Variants in CFAP46 observed in about 807,000 individuals in gnomAD.
The protein encoded by CFAP46 is cilia and flagella associated protein 46, also known as cilia- and flagella-associated protein 46.
Under a neutral mutation model 325.7 loss-of-function variants are expected in CFAP46, and 245 were observed. The ratio of observed to expected loss-of-function variants is 0.75; its 90% CI spans 0.68 to 0.84. The LOEUF (loss-of-function observed/expected upper bound fraction) is 0.84. CFAP46 is among the 40% of genes least tolerant of loss of function. The pLI is 0.00. For missense variants in CFAP46, 3,346 were observed against 3,543.0 expected, an observed-to-expected ratio of 0.94 and a Z score of 1.41; for synonymous variants, 1,523 against 1,495.9, an observed-to-expected ratio of 1.02 and a Z score of -0.42.
chr10:132,837,937 G>GGACACAGACACGCACGTGTACACA (rs67569216), intron 44 of CFAP46, among the ~76,000 whole-genome samples: 1,736 of 149,132 alleles, frequency 0.012, 17 homozygotes, highest in Non-Finnish European at 0.018. Context: ...AGACATGCAC[G>GGACACAGACACGCACGTGTACACA]GACACAGACA....
At chr10:132,903,544 C>T (rs763030354) in intron 22 of CFAP46, among the ~76,000 whole-genome samples, 20 of 152,346 alleles carry the variant, frequency 1.3e-4, no homozygotes, top group Middle Eastern at 3.4e-3. Context: ...AGGCAGAATG[C>T]GGAGCCCACT....
At chr10:132,887,207 TTCCTCTCCCCTCTTCTCTCTC>T (rs1352215156) in intron 25 of CFAP46, among the ~76,000 whole-genome samples, 3 of 34,974 alleles carry the variant, frequency 8.6e-5, no homozygotes, top group Non-Finnish European at 9.5e-5. Flanking sequence ...CTCCTCTTCT[TTCCTCTCCCCTCTTCTCTCTC>T]TCCTCTCCCC....
Position 132,822,145 on chromosome 10 carries a change from CTGA to C in CFAP46, c.7118-7234_7118-7232del, listed in dbSNP as rs61728262. Among the ~76,000 whole-genome samples the C allele has an allele frequency of 2.2e-3, 231 of 107,254 alleles. 1 individual carries two copies. In the South Asian group the frequency reaches 0.022, roughly 10 times the overall value. The allele number at this position is 107,254 out of a possible 152,430, so 70.4% of individuals were successfully genotyped here. ...TGCACTTGTGTGTGCTGTGTGTGTG[CTGA>C]TGTGTGCTGTGTGCTGTGTGTGCTG... On this transcript the variant is annotated intron_variant, in intron 50 of 57. Coordinates refer to ENST00000368586, the MANE Select transcript of CFAP46 (RefSeq NM_001200049.3).
intron 22 of CFAP46, among the ~76,000 whole-genome samples, chr10:132,900,168 C>T (rs774671492): frequency 3.9e-5 from 6 of 152,214 alleles, no homozygotes; most frequent in Non-Finnish European, 7.3e-5. Context: ...GGGACTTGTG[C>T]AGCAACAGAT....
chr10:132,924,470 G>A (rs1052633740), intron 11 of CFAP46, among the ~76,000 whole-genome samples: 4 of 152,202 alleles, frequency 2.6e-5, no homozygotes, highest in Non-Finnish European at 5.9e-5. Context: ...AGATGCCCGT[G>A]AGGCAAGGCC....
At chr10:132,929,190 C>G in intron 9 of CFAP46, 1 of 348,244 alleles carries the variant, frequency 2.9e-6, no homozygotes, top group East Asian at 4.5e-5. Flanking sequence ...CTAAATTAGG[C>G]ACAATAAGAT....
In CFAP46 at chr10:132,835,364, C is replaced by A. The variant is rs765916913; in HGVS notation, c.6684G>T (p.Gln2228His). The A allele has an allele frequency of 4.3e-6, 7 of 1,613,590 alleles. No homozygotes were observed. Among genetic ancestry groups the A allele is most frequent in the Non-Finnish European group, 5.9e-6 (7 of 1,179,962 alleles). ...AFSHLLACAQ[Q>H]FRKQTQAQVY... The stretch of plus-strand genomic sequence containing the variant: ...CCTGGGCCTGGGTCTGCTTCCGGAA[C>A]TGCTGGGCACAGGCCAGCAGGTGGG... Residue 2228 changes from glutamine (Q) to histidine (H), a missense_variant, in exon 47 of 58, where the codon CAG (glutamine) becomes CAT (histidine). Gln to His is a conservative substitution (Grantham distance 24). Transcript: ENST00000368586.
intron 54 of CFAP46, 120 bp from the exon 55 acceptor site, chr10:132,813,017 C>T (rs1362890670): frequency 1.4e-6 from 1 of 705,054 alleles, no homozygotes; most frequent in Non-Finnish European, 2.4e-6. Context: ...GTGCATTAAA[C>T]TGAACTTTCT....
Position 132,942,516 on chromosome 10 carries a change from G to C in CFAP46, c.-32C>G. On this transcript the variant is annotated 5_prime_UTR_variant, in exon 1 of 58. Coordinates refer to ENST00000368586, the MANE Select transcript of CFAP46 (RefSeq NM_001200049.3). Reference sequence around the variant, plus strand: ...GGCGCCCTGCTCGTCCGCTCTCTCCGGGGTCCGCGGTGCGTCCTGCCGCCC... The same window carrying C: ...GGCGCCCTGCTCGTCCGCTCTCTCCCGGGTCCGCGGTGCGTCCTGCCGCCC... The C allele has an allele frequency of 7.9e-7, 1 of 1,259,196 alleles. No homozygotes were observed. The highest frequency in any genetic ancestry group is 1.0e-6 in the Non-Finnish European group (1 of 1,003,122). The allele number at this position is 1,259,196 out of a possible 1,614,324, so 78.0% of individuals were successfully genotyped here.
intron 50 of CFAP46, among the ~76,000 whole-genome samples, chr10:132,830,325 G>C (rs1455477135): frequency 6.6e-6 from 1 of 152,094 alleles, no homozygotes; most frequent in Non-Finnish European, 1.5e-5. Context: ...TGTGTTTTTA[G>C]TAGAGATGGG....
At chr10:132,823,054 C>CTG (rs200870975) in intron 50 of CFAP46, among the ~76,000 whole-genome samples, 18 of 96,722 alleles carry the variant, frequency 1.9e-4, no homozygotes, top group Middle Eastern at 0.012. Flanking sequence ...GTGCTGTGTG[C>CTG]TGTGAGTGCT....
intron 22 of CFAP46, among the ~76,000 whole-genome samples, chr10:132,903,827 G>A (rs111600324): frequency 9.9e-4 from 150 of 152,238 alleles, no homozygotes; most frequent in Non-Finnish European, 1.7e-3. Context: ...TAAAAATGTT[G>A]AGCTGAGTTG....
At chr10:132,920,360 T>C (rs1017766594) in intron 13 of CFAP46, among the ~76,000 whole-genome samples, 178 bp from the exon 14 acceptor site, 14 of 152,164 alleles carry the variant, frequency 9.2e-5, no homozygotes, top group Non-Finnish European at 1.6e-4. Context: ...CAGAGTGGCA[T>C]TGCCTGTGTC....
At chr10:132,892,761 C>T (rs540804875) in intron 24 of CFAP46, among the ~76,000 whole-genome samples, 23 of 152,324 alleles carry the variant, frequency 1.5e-4, no homozygotes, top group Admixed American at 5.9e-4. Context: ...GGATTACAAC[C>T]GTCAAACTTG....
chr10:132,902,333 C>T (rs545515078), intron 22 of CFAP46, among the ~76,000 whole-genome samples: 11 of 152,308 alleles, frequency 7.2e-5, no homozygotes, highest in Non-Finnish European at 1.2e-4. Flanking sequence ...TTAGTTTCTC[C>T]GTTTTTCTCC....
Position 132,832,400 on chromosome 10 carries a change from C to A in CFAP46, c.7117+958G>T, listed in dbSNP as rs868562361. ...CTGGGCTCTTCCTGCCCCCCCCCCC[C>A]AATGCTGTGGCCTGGAAATTCCCCA... On this transcript the variant is annotated intron_variant, in intron 50 of 57. Coordinates refer to ENST00000368586, the MANE Select transcript of CFAP46 (RefSeq NM_001200049.3). The surrounding 1 kb of genome is among the most constrained non-coding windows in gnomAD (Gnocchi z 4.1). Among the ~76,000 whole-genome samples, 21 of 141,500 alleles carry A rather than the reference C, an allele frequency of 1.5e-4. No individual in the cohort carries two copies. In the South Asian group the frequency reaches 3.6e-3, roughly 24 times the overall value. The allele number at this position is 141,500 out of a possible 152,430, so 92.8% of individuals were successfully genotyped here. A position where few individuals can be genotyped will look rare whatever the true frequency, so the allele number is the denominator to read the frequency against.
At chr10:132,822,487 G>C (rs1396504623) in intron 50 of CFAP46, among the ~76,000 whole-genome samples, 3 of 135,526 alleles carry the variant, frequency 2.2e-5, no homozygotes, top group Admixed American at 7.4e-5. Flanking sequence ...TGTGTGTGCT[G>C]TGTGTGCTGA....
At position 132,834,657 on chromosome 10, in the gene CFAP46, G is replaced by A; in HGVS notation, c.6863C>T (p.Ala2288Val). ...PLFPLLSLSK[A>V]RVQTPAVVAD... ...GCCTCAACGTCATCCCCAGTACCTG[G>A]CCTTGGAGAGGCTGAGCAGGGGGAA... The change falls in exon 48 of 58, where the codon GCC becomes GTC. Residue 2288 changes from alanine (A) to valine (V), a missense_variant. Coordinates refer to ENST00000368586, the MANE Select transcript of CFAP46 (RefSeq NM_001200049.3). The A allele has an allele frequency of 6.2e-7, 1 of 1,613,294 alleles. No individual in the cohort carries two copies. The highest frequency in any genetic ancestry group is 8.5e-7 in the Non-Finnish European group (1 of 1,179,946).
chr10:132,885,727 G>A (rs530176994), intron 26 of CFAP46, 94 bp downstream of exon 26: 230 of 1,363,258 alleles, frequency 1.7e-4, no homozygotes, highest in South Asian at 3.0e-4. Flanking sequence ...AGTGGGTGGA[G>A]CACTCACAGG....
Sources: gnomAD v4.1 joint callset for allele counts (sites outside exome capture counted in the v4.1 genomes callset) on GRCh38, gnomAD v4.1.1 for gene constraint, Gnocchi (gnomAD v3.1) non-coding constraint, MANE v1.5 for transcripts, NCBI Gene and HGNC (gene_info 2026-07-23, HGNC 2026-07-21) for gene names.